The following ITGBL1 variants were observed in gnomAD, a reference collection of about 807,000 sequenced individuals.
ITGBL1 encodes integrin subunit beta like 1.
A neutral mutation model predicts 68.5 loss-of-function variants in ITGBL1; 51 were observed. That is an observed-to-expected ratio of 0.74 (90% CI 0.59 to 0.94). The LOEUF is 0.94. ITGBL1 is among the 40% of genes least tolerant of loss of function. ITGBL1 has a pLI of 0.00. For missense variants in ITGBL1, 649 were observed against 647.4 expected, an observed-to-expected ratio of 1.00 and a Z score of -0.03; for synonymous variants, 209 against 227.3, an observed-to-expected ratio of 0.92 and a Z score of 0.72.
intron 2 of ITGBL1, among the ~76,000 whole-genome samples, chr13:101,499,077 G>C (rs552656415): frequency 7.9e-5 from 12 of 152,104 alleles, no homozygotes; most frequent in African/African-American, 2.9e-4. Flanking sequence ...ACAACTGAAT[G>C]TGACATTTGG....
At chr13:101,696,213 C>T (rs548786999) in intron 8 of ITGBL1, among the ~76,000 whole-genome samples, 1 of 152,254 alleles carries the variant, frequency 6.6e-6, no homozygotes, top group East Asian at 1.9e-4. Context: ...AGATGTGGCT[C>T]CTGTCCCACA....
At chr13:101,467,076 C>A (rs2048391870) in intron 2 of ITGBL1, among the ~76,000 whole-genome samples, 2 of 152,110 alleles carry the variant, frequency 1.3e-5, no homozygotes, top group Non-Finnish European at 2.9e-5. Context: ...ACAGGCTCCC[C>A]CAAGCCTCTT....
intron 7 of ITGBL1, among the ~76,000 whole-genome samples, chr13:101,607,743 A>G (rs3783214): frequency 0.2 from 30,452 of 152,090 alleles, 3,179 homozygotes; most frequent in Admixed American, 0.26. Flanking sequence ...GTGACAATTT[A>G]AATTATCAGT....
intron 2 of ITGBL1, among the ~76,000 whole-genome samples, chr13:101,460,747 C>T (rs1024932177): frequency 6.6e-6 from 1 of 151,976 alleles, no homozygotes; most frequent in Non-Finnish European, 1.5e-5. Flanking sequence ...GAAGCCTTTA[C>T]TTATGGAAAG....
chr13:101,543,202 T>C (rs1157477004), intron 2 of ITGBL1, among the ~76,000 whole-genome samples: 1 of 152,182 alleles, frequency 6.6e-6, no homozygotes, highest in East Asian at 1.9e-4. Flanking sequence ...GTACTGGTTT[T>C]TCCTTTCCAT....
rs558616750 is a variant in ITGBL1 at position 101,605,569 on chromosome 13, C to T, written c.1015+7270C>T. Among the ~76,000 whole-genome samples the T allele has an allele frequency of 4.0e-5, 6 of 150,742 alleles. No homozygotes were observed. In the South Asian group the frequency reaches 1.0e-3, roughly 26 times the overall value. On this transcript the variant is annotated intron_variant, in intron 7 of 10. Transcript: ENST00000376180. The stretch of plus-strand genomic sequence containing the variant: ...ACACGTATTTAGACATATGTATATG[C>T]GTATATATACACGTATTTAGACACG...
intron 6 of ITGBL1, among the ~76,000 whole-genome samples, chr13:101,593,195 ACAGTGAGATACCTCTTCACTC>A (rs2050685524): frequency 6.6e-6 from 1 of 152,072 alleles, no homozygotes; most frequent in Admixed American, 6.6e-5. Context: ...AATCAACTCC[ACAGTGAGATACCTCTTCACTC>A]CAGTTAGAAT....
chr13:101,481,521 C>T (rs75109120), intron 2 of ITGBL1, among the ~76,000 whole-genome samples: 2,295 of 151,984 alleles, frequency 0.015, 55 homozygotes, highest in African/African-American at 0.052. Context: ...TTATGGACTT[C>T]TGGCTCTCAA....
intron 7 of ITGBL1, among the ~76,000 whole-genome samples, chr13:101,688,538 CTG>C (rs1200813602): frequency 6.6e-6 from 1 of 152,196 alleles, no homozygotes; most frequent in African/African-American, 2.4e-5. Context: ...GTGGAAAACT[CTG>C]TTGAAGAATC....
intron 7 of ITGBL1, among the ~76,000 whole-genome samples, chr13:101,679,249 A>G (rs2033583282): frequency 1.3e-5 from 2 of 152,160 alleles, no homozygotes; most frequent in African/African-American, 4.8e-5. Flanking sequence ...TATATCAACG[A>G]CAACACTTTC....
chr13:101,674,608 T>C (rs1014838640), intron 7 of ITGBL1, among the ~76,000 whole-genome samples: 3 of 152,096 alleles, frequency 2.0e-5, no homozygotes, highest in African/African-American at 7.2e-5. Context: ...GAGATAATTT[T>C]TTTTTCTGTC....
intron 7 of ITGBL1, among the ~76,000 whole-genome samples, chr13:101,604,887 T>TGCACACACACAC (rs1555361661): frequency 5.9e-4 from 13 of 22,166 alleles, no homozygotes; most frequent in Admixed American, 8.1e-4. Flanking sequence ...TATATATATA[T>TGCACACACACAC]ACACACACAC....
rs923707295 is a variant in ITGBL1 at position 101,643,358 on chromosome 13, C to G, written c.1015+45059C>G. Among the ~76,000 whole-genome samples the G allele has an allele frequency of 2.7e-3, 403 of 151,296 alleles. 1 individual carries two copies. Among genetic ancestry groups the G allele is most frequent in the African/African-American group, 9.3e-3 (380 of 40,954 alleles). Reference sequence around the variant, plus strand: ...ATGGGAGTTCACTCATGATTTGGCTCTCTGTTTGTCTGTTATTGGTGTATA... The same window carrying G: ...ATGGGAGTTCACTCATGATTTGGCTGTCTGTTTGTCTGTTATTGGTGTATA... On this transcript the variant is annotated intron_variant, in intron 7 of 10. Coordinates refer to ENST00000376180, the MANE Select transcript of ITGBL1 (RefSeq NM_004791.3).
chr13:101,532,437 A>T (rs1463783398), intron 2 of ITGBL1, among the ~76,000 whole-genome samples: 2 of 152,208 alleles, frequency 1.3e-5, no homozygotes, highest in African/African-American at 4.8e-5. Context: ...ATATTTTTGG[A>T]ATTCAGCATG....
intron 7 of ITGBL1, among the ~76,000 whole-genome samples, chr13:101,604,883 T>TACACAC (rs1444965646): frequency 0.03 from 382 of 12,918 alleles, 1 homozygote; most frequent in Middle Eastern, 0.17. Flanking sequence ...TATATATATA[T>TACACAC]ATATACACAC....
At chr13:101,469,608 G>A (rs985277385) in intron 2 of ITGBL1, among the ~76,000 whole-genome samples, 2 of 152,236 alleles carry the variant, frequency 1.3e-5, no homozygotes, top group Non-Finnish European at 2.9e-5. Flanking sequence ...GCTTGAAACC[G>A]GGAGGTGGAG....
At chr13:101,544,226 G>T (rs1335067230) in intron 2 of ITGBL1, among the ~76,000 whole-genome samples, 3 of 152,074 alleles carry the variant, frequency 2.0e-5, no homozygotes, top group Non-Finnish European at 2.9e-5. Flanking sequence ...TACAGATGGG[G>T]TTTTGGTGTG....
At chr13:101,628,479 C>T (rs2031864181) in intron 7 of ITGBL1, among the ~76,000 whole-genome samples, 1 of 150,854 alleles carries the variant, frequency 6.6e-6, no homozygotes, top group Admixed American at 6.6e-5. Context: ...GTCACCCAGG[C>T]TGGAGTGCAG....
intron 9 of ITGBL1, 35 bp from the exon 10 acceptor site, chr13:101,714,402 TA>T: frequency 8.7e-7 from 1 of 1,150,474 alleles, no homozygotes; most frequent in Non-Finnish European, 1.3e-6. Context: ...CCTTTAGTTA[TA>T]AGGTGATGGT....
Sources: allele counts gnomAD v4.1 joint callset (sites outside exome capture counted in the v4.1 genomes callset), GRCh38; gene constraint gnomAD v4.1.1; transcripts MANE v1.5; gene names NCBI Gene and HGNC (gene_info 2026-07-23, HGNC 2026-07-21).